Variants in DHRSX observed in about 807,000 individuals in gnomAD.
DHRSX encodes polyprenol dehydrogenase.
A neutral mutation model predicts 34.0 loss-of-function variants in DHRSX; 31 were observed. The observed-to-expected ratio is 0.91, with a 90% CI of 0.69 to 1.23. DHRSX has a LOEUF of 1.23. Among genes scored for constraint, DHRSX ranks in the 50% most tolerant of loss-of-function variants. The pLI is 0.00. For missense variants in DHRSX, 414 were observed against 428.1 expected (o/e 0.97, Z 0.29); for synonymous variants, 201 against 183.8 (o/e 1.09, Z -0.76).
At chrX:2,427,783 A>C (rs2043867927) in intron 1 of DHRSX, among the ~76,000 whole-genome samples, 1 of 152,202 alleles carries the variant, frequency 6.6e-6, no homozygotes, top group East Asian at 1.9e-4. Context: ...ATAGGCACAT[A>C]TGATCTTTTT....
At chrX:2,452,826 GT>G (rs1255402623) in intron 1 of DHRSX, among the ~76,000 whole-genome samples, 1 of 152,228 alleles carries the variant, frequency 6.6e-6, no homozygotes, top group Non-Finnish European at 1.5e-5. Flanking sequence ...CGTTCCAAAG[GT>G]CCAGTCATGG....
chrX:2,433,124 A>G (rs1191003546), intron 1 of DHRSX, among the ~76,000 whole-genome samples: 2 of 152,324 alleles, frequency 1.3e-5, no homozygotes, highest in Middle Eastern at 3.4e-3. Context: ...TCAAAAAAAA[A>G]ATCACATGGT....
At chrX:2,497,456 C>G (rs2045312841) in intron 1 of DHRSX, among the ~76,000 whole-genome samples, 1 of 152,106 alleles carries the variant, frequency 6.6e-6, no homozygotes, top group Non-Finnish European at 1.5e-5. Flanking sequence ...CTAATAGCCA[C>G]TGTTCACTAC....
intron 1 of DHRSX, among the ~76,000 whole-genome samples, chrX:2,430,867 A>G (rs1370281137): frequency 1.3e-5 from 2 of 151,952 alleles, no homozygotes; most frequent in Admixed American, 6.6e-5. Context: ...AAAAAAAGGT[A>G]CAAAAAAATT....
intron 2 of DHRSX, among the ~76,000 whole-genome samples, chrX:2,416,048 C>T (rs2043689324): frequency 6.6e-6 from 1 of 151,596 alleles, no homozygotes; most frequent in Non-Finnish European, 1.5e-5. Context: ...TCCTCATGAC[C>T]AACCCAACCG....
intron 1 of DHRSX, among the ~76,000 whole-genome samples, chrX:2,492,343 G>A (rs759453862): frequency 3.3e-5 from 5 of 152,218 alleles, no homozygotes; most frequent in South Asian, 2.1e-4. Flanking sequence ...GACAGAGGCC[G>A]AGACTGGAGT....
intron 3 of DHRSX, among the ~76,000 whole-genome samples, chrX:2,296,457 C>T (rs2041932524): frequency 6.6e-6 from 1 of 151,888 alleles, no homozygotes; most frequent in South Asian, 2.1e-4. Context: ...TGCATAGACC[C>T]GAGGCAGACA....
At chrX:2,332,510 A>C (rs1191268641) in intron 3 of DHRSX, among the ~76,000 whole-genome samples, 1 of 152,152 alleles carries the variant, frequency 6.6e-6, no homozygotes, top group Non-Finnish European at 1.5e-5. Context: ...GATTGTGCCA[A>C]ACATTTGGAT....
chrX:2,263,828 T>C (rs2041399689), intron 5 of DHRSX, among the ~76,000 whole-genome samples: 1 of 152,224 alleles, frequency 6.6e-6, no homozygotes, highest in Admixed American at 6.5e-5. Context: ...TTTTTTCTTA[T>C]ATCAGCTTAA....
In DHRSX at chrX:2,496,495, G is replaced by A. The variant is rs184667963; in HGVS notation, c.109+4322C>T. ...ATTATAGGCATGAGCCACCGCACCC[G>A]GCCCGCCAATAGAGATTTTAAATGT... On this transcript the variant is annotated intron_variant, in intron 1 of 6. Transcript: ENST00000334651. Among the ~76,000 whole-genome samples the A allele has an allele frequency of 2.3e-3, 349 of 152,216 alleles. 3 individuals are homozygous for A. The East Asian group carries it at 0.026, about 11-fold the overall frequency.
chrX:2,481,327 G>A (rs1347195896), intron 1 of DHRSX, among the ~76,000 whole-genome samples: 5 of 152,070 alleles, frequency 3.3e-5, no homozygotes. Context: ...TGACACAAGG[G>A]GCTCCAAGTT....
chrX:2,293,985 C>A (rs1449161804), intron 3 of DHRSX, among the ~76,000 whole-genome samples: 1 of 151,862 alleles, frequency 6.6e-6, no homozygotes. Context: ...TGACTCTCCA[C>A]TCACCATCAG....
intron 1 of DHRSX, among the ~76,000 whole-genome samples, chrX:2,475,910 T>C (rs1188162070): frequency 1.3e-5 from 2 of 152,180 alleles, no homozygotes; most frequent in Non-Finnish European, 2.9e-5. Flanking sequence ...CTGCAGTAAT[T>C]ACCAAGACAT....
intron 4 of DHRSX, among the ~76,000 whole-genome samples, chrX:2,272,968 C>T (rs1427908891): frequency 6.6e-6 from 1 of 152,162 alleles, no homozygotes; most frequent in African/African-American, 2.4e-5. Context: ...AAAAGAAGTC[C>T]TTATATCAAA....
intron 4 of DHRSX, among the ~76,000 whole-genome samples, chrX:2,289,182 G>A (rs2041839127): frequency 6.6e-6 from 1 of 151,458 alleles, no homozygotes; most frequent in Admixed American, 6.6e-5. Flanking sequence ...CAATGGTGTG[G>A]TCTCGGCTCA....
At position 2,249,267 on chromosome X, in the gene DHRSX, A is replaced by T. The variant is rs190747522; in HGVS notation, c.597-6037T>A. Among the ~76,000 whole-genome samples, 59 of 138,752 alleles carry T rather than the reference A, an allele frequency of 4.3e-4. No homozygotes were observed. In the East Asian group the frequency reaches 0.012, roughly 27 times the overall value. The allele number at this position is 138,752 out of a possible 152,430, so 91.0% of individuals were successfully genotyped here. A position where few individuals can be genotyped will look rare whatever the true frequency, so the allele number is the denominator to read the frequency against. On this transcript the variant is annotated intron_variant, in intron 5 of 6. Transcript: ENST00000334651. ...GAGTACAGTGGCACAATCCTGGCTC[A>T]CTGCAACCACCCCCTCCTGGGTTCA...
At chrX:2,428,200 A>G (rs187834032) in intron 1 of DHRSX, among the ~76,000 whole-genome samples, 71 of 152,322 alleles carry the variant, frequency 4.7e-4, no homozygotes, top group African/African-American at 1.6e-3. Flanking sequence ...CCCAAACATT[A>G]CCACTATGCA....
intron 6 of DHRSX, among the ~76,000 whole-genome samples, chrX:2,226,693 C>T (rs1461327963): frequency 6.7e-5 from 3 of 45,078 alleles, no homozygotes; most frequent in Non-Finnish European, 1.4e-4. Flanking sequence ...CCCAGCTACT[C>T]GGGAGGCAGG....
chrX:2,320,892 C>G (rs761891551), intron 3 of DHRSX, among the ~76,000 whole-genome samples: 49 of 151,516 alleles, frequency 3.2e-4, no homozygotes, highest in African/African-American at 1.1e-3. Context: ...ACGTGTCGGT[C>G]CACGTACAGC....
Sources: allele counts gnomAD v4.1 joint callset (sites outside exome capture counted in the v4.1 genomes callset), GRCh38; gene constraint gnomAD v4.1.1; transcripts MANE v1.5; gene names NCBI Gene and HGNC (gene_info 2026-07-23, HGNC 2026-07-21).